The following TTBK2 variants were observed in gnomAD, a reference collection of about 807,000 sequenced individuals.
TTBK2 encodes tau tubulin kinase 2.
TTBK2 carries 28 observed loss-of-function variants against 110.8 expected under a neutral mutation model. The observed-to-expected ratio is 0.25, with a 90% CI of 0.19 to 0.35. The LOEUF (loss-of-function observed/expected upper bound fraction) is 0.35, where lower values mean the gene tolerates loss of function less well. TTBK2 is among the 10% of genes least tolerant of loss of function. TTBK2 has a pLI of 1.00. For synonymous variants in TTBK2, 532 were observed against 527.3 expected (o/e 1.01, Z -0.12); for missense variants, 1,369 against 1,500.3 (o/e 0.91, Z 1.45).
chr15:42,874,565 C>A (rs1366887168), intron 2 of TTBK2, among the ~76,000 whole-genome samples: 1 of 151,916 alleles, frequency 6.6e-6, no homozygotes, highest in East Asian at 2.0e-4. Flanking sequence ...GATCCACCCA[C>A]CTCTGCCTCC....
intron 9 of TTBK2, chr15:42,802,171 TCCACCTCCAG>T (rs755413822): frequency 7.5e-7 from 1 of 1,339,640 alleles, no homozygotes; most frequent in African/African-American, 1.4e-5. Flanking sequence ...GATGTTGGGG[TCCACCTCCAG>T]GTTAAGAGGG....
At chr15:42,832,376 T>C (rs920901246) in intron 4 of TTBK2, among the ~76,000 whole-genome samples, 2 of 152,216 alleles carry the variant, frequency 1.3e-5, no homozygotes, top group African/African-American at 4.8e-5. Flanking sequence ...TATTTTAAAA[T>C]ATAAGCCTAA....
chr15:42,820,860 A>G (rs973299610), intron 6 of TTBK2, among the ~76,000 whole-genome samples: 1 of 152,116 alleles, frequency 6.6e-6, no homozygotes, highest in Non-Finnish European at 1.5e-5. Context: ...GAATTAAAGA[A>G]TTAGCTGGGC....
intron 13 of TTBK2, among the ~76,000 whole-genome samples, chr15:42,768,118 T>C (rs1247206940): frequency 6.6e-6 from 1 of 152,182 alleles, no homozygotes; most frequent in African/African-American, 2.4e-5. Flanking sequence ...TATCTCAAAA[T>C]AATAAGAGTT....
intron 10 of TTBK2, among the ~76,000 whole-genome samples, chr15:42,787,019 A>T (rs1890441411): frequency 6.6e-6 from 1 of 152,256 alleles, no homozygotes; most frequent in Non-Finnish European, 1.5e-5. Context: ...TGTGTGGAAG[A>T]ACTGAAGAGA....
At chr15:42,756,572 C>T (rs902374347) in intron 13 of TTBK2, among the ~76,000 whole-genome samples, 1 of 152,044 alleles carries the variant, frequency 6.6e-6, no homozygotes, top group Admixed American at 6.5e-5. Context: ...GGCAACAGAG[C>T]GACACTCTGT....
chr15:42,753,746 G>A (rs1177087840), intron 13 of TTBK2, among the ~76,000 whole-genome samples: 4 of 152,088 alleles, frequency 2.6e-5, no homozygotes, highest in Admixed American at 2.6e-4. Flanking sequence ...CAAGTTCTGC[G>A]AACACCCACT....
At chr15:42,833,412 A>G (rs1892852899) in intron 4 of TTBK2, among the ~76,000 whole-genome samples, 1 of 152,146 alleles carries the variant, frequency 6.6e-6, no homozygotes, top group Admixed American at 6.5e-5. Context: ...AAAATAATAT[A>G]ATGAACCTTC....
At chr15:42,810,466 A>T in intron 9 of TTBK2, 148 bp downstream of exon 9, 1 of 987,632 alleles carries the variant, frequency 1.0e-6, no homozygotes, top group Non-Finnish European at 1.5e-6. Flanking sequence ...ATCATAAGTT[A>T]ATTTCACCAT....
chr15:42,894,722 C>T (rs1325151834), intron 1 of TTBK2, among the ~76,000 whole-genome samples: 1 of 152,108 alleles, frequency 6.6e-6, no homozygotes, highest in African/African-American at 2.4e-5. Context: ...TCACTGCACT[C>T]CAGGCTGGGC....
chr15:42,883,469 T>C (rs2141144752), intron 1 of TTBK2, among the ~76,000 whole-genome samples: 1 of 151,888 alleles, frequency 6.6e-6, no homozygotes, highest in East Asian at 1.9e-4. Context: ...TTAGGTAATG[T>C]AATATTCATA....
chr15:42,773,080 G>A (rs1028736646), intron 13 of TTBK2, among the ~76,000 whole-genome samples: 2 of 152,128 alleles, frequency 1.3e-5, no homozygotes, highest in Admixed American at 6.5e-5. Flanking sequence ...ACTCATGCCT[G>A]TAGTCCTAGT....
At chr15:42,878,756 T>A in intron 1 of TTBK2, 72 bp from the exon 2 acceptor site, 1 of 1,536,524 alleles carries the variant, frequency 6.5e-7, no homozygotes, top group Middle Eastern at 1.8e-4. Flanking sequence ...CATTCCAGCA[T>A]CAGGAAGCAC....
chr15:42,863,284 G>A (rs1894165306), intron 3 of TTBK2, among the ~76,000 whole-genome samples: 1 of 151,974 alleles, frequency 6.6e-6, no homozygotes. Flanking sequence ...CTTGCTGAGA[G>A]TCAAATCAAG....
At chr15:42,879,207 T>C (rs1037183786) in intron 1 of TTBK2, among the ~76,000 whole-genome samples, 1 of 152,124 alleles carries the variant, frequency 6.6e-6, no homozygotes, top group African/African-American at 2.4e-5. Flanking sequence ...ATGAACAGCA[T>C]ACCTGTAGAA....
rs1235988247 is a variant in TTBK2 at position 42,745,219 on chromosome 15, A to C, written c.*576T>G. 3 of 157,000 alleles carry C rather than the reference A, an allele frequency of 1.9e-5. No individual in the cohort carries two copies. Among genetic ancestry groups the C allele is most frequent in the Non-Finnish European group, 2.8e-5 (2 of 70,370 alleles). 9.7% of individuals were successfully genotyped at this position (157,000 alleles called of 1,614,324 possible). Reference sequence around the variant, plus strand: ...AGACGAGACATACAAAATTTTAAAAAAAAATCTGAACTCCAGGGAGGGTAC... The same window carrying C: ...AGACGAGACATACAAAATTTTAAAACAAAATCTGAACTCCAGGGAGGGTAC... On this transcript the variant is annotated 3_prime_UTR_variant, in exon 15 of 15. Coordinates refer to ENST00000267890, the MANE Select transcript of TTBK2 (RefSeq NM_173500.4).
At chr15:42,845,858 C>T (rs1259405411) in intron 3 of TTBK2, among the ~76,000 whole-genome samples, 3 of 152,042 alleles carry the variant, frequency 2.0e-5, no homozygotes, top group Non-Finnish European at 4.4e-5. Context: ...CAGCCTATTG[C>T]TCCTAGGCTA....
intron 9 of TTBK2, among the ~76,000 whole-genome samples, chr15:42,795,843 CAAA>C (rs1175589146): frequency 2.2e-4 from 11 of 48,910 alleles, no homozygotes; most frequent in Middle Eastern, 0.011. Context: ...AATCTTTCTC[CAAA>C]AAAAAAAAAA....
intron 4 of TTBK2, among the ~76,000 whole-genome samples, chr15:42,838,633 T>C (rs534708855): frequency 1.3e-5 from 2 of 152,112 alleles, no homozygotes; most frequent in African/African-American, 4.8e-5. Flanking sequence ...CTGGCCAACA[T>C]GATGAAATCC....
Sources: allele counts gnomAD v4.1 joint callset (sites outside exome capture counted in the v4.1 genomes callset), GRCh38; gene constraint gnomAD v4.1.1; transcripts MANE v1.5; gene names NCBI Gene and HGNC (gene_info 2026-07-23, HGNC 2026-07-21).